RALGPS2: variants seen among roughly 807,000 people sequenced by gnomAD.
RALGPS2 encodes the protein ras-specific guanine nucleotide-releasing factor RalGPS2.
A neutral mutation model predicts 86.8 loss-of-function variants in RALGPS2; 43 were observed. That is an observed-to-expected ratio of 0.50 (90% CI 0.39 to 0.64). RALGPS2 has a LOEUF of 0.64. RALGPS2 is among the 30% of genes least tolerant of loss of function. RALGPS2 has a pLI of 0.00. For missense variants in RALGPS2, 536 were observed against 694.6 expected (o/e 0.77, Z 2.57); for synonymous variants, 243 against 231.3 (o/e 1.05, Z -0.46).
intron 8 of RALGPS2, among the ~76,000 whole-genome samples, chr1:178,852,184 C>T (rs1205152420): frequency 1.3e-5 from 2 of 152,076 alleles, no homozygotes; most frequent in Non-Finnish European, 2.9e-5. Flanking sequence ...ATTTTCCTGG[C>T]GAACCCATAT....
At chr1:178,766,208 C>A (rs1490067588) in intron 1 of RALGPS2, among the ~76,000 whole-genome samples, 1 of 152,108 alleles carries the variant, frequency 6.6e-6, no homozygotes, top group Non-Finnish European at 1.5e-5. Context: ...TCCATGAAAT[C>A]TTCACAATTT....
intron 8 of RALGPS2, among the ~76,000 whole-genome samples, chr1:178,861,406 A>G (rs957116669): frequency 1.3e-5 from 2 of 151,850 alleles, no homozygotes; most frequent in South Asian, 4.1e-4. Flanking sequence ...GACTTTTGAC[A>G]TACTAAATCC....
chr1:178,874,387 C>G (rs1658906050), intron 8 of RALGPS2, among the ~76,000 whole-genome samples: 1 of 151,824 alleles, frequency 6.6e-6, no homozygotes, highest in Non-Finnish European at 1.5e-5. Context: ...CAGAATAGAC[C>G]CACGAAACAG....
chr1:178,818,090 G>T, intron 6 of RALGPS2, among the ~76,000 whole-genome samples: 1 of 152,292 alleles, frequency 6.6e-6, no homozygotes, highest in East Asian at 1.9e-4. Context: ...GCTGGGCATG[G>T]TGGCTCACGC....
intron 8 of RALGPS2, among the ~76,000 whole-genome samples, chr1:178,854,772 T>TA (rs1206127480): frequency 3.9e-5 from 6 of 152,272 alleles, no homozygotes; most frequent in African/African-American, 1.4e-4. Context: ...GCCCTCATGT[T>TA]ATTTCATAAT....
intron 2 of RALGPS2, among the ~76,000 whole-genome samples, chr1:178,781,623 T>C (rs999222092): frequency 4.3e-4 from 65 of 152,200 alleles, no homozygotes; most frequent in African/African-American, 1.5e-3. Flanking sequence ...AAAAGAGAAG[T>C]GTTTATTCTT....
chr1:178,726,042 G>A (rs978840964), intron 1 of RALGPS2: 3 of 152,308 alleles, frequency 2.0e-5, no homozygotes, highest in African/African-American at 4.8e-5. Flanking sequence ...CCGGGCGCGC[G>A]GGCCGGGTGT....
At chr1:178,790,207 C>T (rs1459293067) in intron 4 of RALGPS2, among the ~76,000 whole-genome samples, 1 of 152,174 alleles carries the variant, frequency 6.6e-6, no homozygotes, top group Non-Finnish European at 1.5e-5. Flanking sequence ...CTGCCTTGGC[C>T]TGCCAAAGTG....
chr1:178,775,489 T>C (rs1296319395), intron 1 of RALGPS2, among the ~76,000 whole-genome samples: 2 of 152,184 alleles, frequency 1.3e-5, no homozygotes, highest in Admixed American at 1.3e-4. Context: ...TTAAAGTTCA[T>C]TTACCACTGT....
chr1:178,725,273 G>A lies in RALGPS2; in HGVS notation c.-230G>A, dbSNP rs1572254560. 3.4e-5 allele frequency: 6 copies of A among 175,844 alleles called. No individual in the cohort carries two copies. Among genetic ancestry groups the A allele is most frequent in the South Asian group, 1.3e-4 (1 of 7,530 alleles). The allele number at this position is 175,844 out of a possible 1,614,324, so 10.9% of individuals were successfully genotyped here. The stretch of plus-strand genomic sequence containing the variant: ...TCCTCCCCCGAGCGGCAGCGGCGGC[G>A]GCGGCGGCGGCTGCTGCGGGCGCTG... On this transcript the variant is annotated 5_prime_UTR_variant, in exon 1 of 20. Coordinates refer to ENST00000367635, the MANE Select transcript of RALGPS2 (RefSeq NM_152663.5).
chr1:178,767,060 C>T (rs1652539774), intron 1 of RALGPS2, among the ~76,000 whole-genome samples: 1 of 152,118 alleles, frequency 6.6e-6, no homozygotes, highest in Non-Finnish European at 1.5e-5. Flanking sequence ...GTTCCTTCAG[C>T]TTAGTTTGGT....
At chr1:178,804,378 T>C (rs1233528207) in intron 4 of RALGPS2, among the ~76,000 whole-genome samples, 1 of 142,994 alleles carries the variant, frequency 7.0e-6, no homozygotes, top group East Asian at 2.2e-4. Flanking sequence ...CTGCACCCAC[T>C]AACTCGTCAT....
intron 4 of RALGPS2, among the ~76,000 whole-genome samples, chr1:178,807,053 CT>C (rs1410018904): frequency 6.6e-6 from 1 of 152,168 alleles, no homozygotes; most frequent in Non-Finnish European, 1.5e-5. Flanking sequence ...ACTACCGTAT[CT>C]GGGTGTGATA....
intron 1 of RALGPS2, among the ~76,000 whole-genome samples, chr1:178,736,704 G>A (rs974505955): frequency 6.6e-6 from 1 of 152,056 alleles, no homozygotes; most frequent in Non-Finnish European, 1.5e-5. Context: ...TTAAGACCCA[G>A]CCTGGGCAAT....
intron 1 of RALGPS2, among the ~76,000 whole-genome samples, chr1:178,735,470 T>C (rs1041863626): frequency 6.7e-6 from 1 of 148,962 alleles, no homozygotes; most frequent in Non-Finnish European, 1.5e-5. Context: ...CAGGCTGGAG[T>C]GCAGTGGCGT....
intron 8 of RALGPS2, among the ~76,000 whole-genome samples, chr1:178,870,575 T>C (rs903742364): frequency 1.3e-5 from 2 of 152,182 alleles, no homozygotes; most frequent in Non-Finnish European, 2.9e-5. Context: ...CAGTACTTAA[T>C]GTTTTTATGT....
intron 8 of RALGPS2, among the ~76,000 whole-genome samples, chr1:178,835,502 C>G (rs1297267089): frequency 6.6e-6 from 1 of 151,224 alleles, no homozygotes; most frequent in Non-Finnish European, 1.5e-5. Context: ...AAGTGATTCT[C>G]CTGCCTCAGC....
At chr1:178,867,866 T>C (rs1307792350) in intron 8 of RALGPS2, among the ~76,000 whole-genome samples, 2 of 152,100 alleles carry the variant, frequency 1.3e-5, no homozygotes, top group African/African-American at 4.8e-5. Context: ...TATGCTGTCG[T>C]CATGAAGACT....
chr1:178,875,993 G>A (rs978330703), intron 8 of RALGPS2, among the ~76,000 whole-genome samples: 12 of 152,010 alleles, frequency 7.9e-5, no homozygotes, highest in African/African-American at 2.7e-4. Context: ...ATAAAGTTGA[G>A]GTTATCTAAA....
Sources: gnomAD v4.1 joint callset for allele counts (sites outside exome capture counted in the v4.1 genomes callset) on GRCh38, gnomAD v4.1.1 for gene constraint, MANE v1.5 for transcripts, NCBI Gene and HGNC (gene_info 2026-07-23, HGNC 2026-07-21) for gene names.